Variants in TRPV3 observed in about 807,000 individuals in gnomAD.
TRPV3 encodes the protein VRL-3.
Under a neutral mutation model 87.1 loss-of-function variants are expected in TRPV3, and 88 were observed. The observed-to-expected ratio is 1.01, with a 90% CI of 0.85 to 1.21. The LOEUF (loss-of-function observed/expected upper bound fraction) is 1.21, where lower values mean the gene tolerates loss of function less well. Ranked by LOEUF, TRPV3 falls within the 50% of genes most tolerant of loss-of-function variation. The pLI is 0.00. For missense variants in TRPV3, 1,054 were observed against 1,030.1 expected (o/e 1.02, Z -0.32); for synonymous variants, 438 against 423.3 (o/e 1.03, Z -0.43).
chr17:3,544,695 G>A (rs758733010), intron 3 of TRPV3, 30 bp from the exon 4 acceptor site: 1 of 1,558,518 alleles, frequency 6.4e-7, no homozygotes, highest in East Asian at 2.3e-5. Context: ...GAACAGAGAG[G>A]GTTTTAAAGT....
Position 3,532,796 on chromosome 17 carries a change from T to C in TRPV3, c.926A>G (p.Asp309Gly). The change falls in exon 8 of 18, where the codon GAC (aspartate) becomes GGC (glycine). Residue 309 changes from aspartate to glycine, a missense_variant. Coordinates refer to ENST00000576742, the MANE Select transcript of TRPV3 (RefSeq NM_145068.4). Reference protein sequence around the residue: ...ILHALVTVAEDFKTQNDFVKR... With the variant: ...ILHALVTVAEGFKTQNDFVKR... Reference sequence around the variant, plus strand: ...CACAAAGTCATTCTGCGTCTTGAAGTCCTCGGCCACGGTCACCAGGGCGTG... The same window carrying C: ...CACAAAGTCATTCTGCGTCTTGAAGCCCTCGGCCACGGTCACCAGGGCGTG... The C allele has an allele frequency of 6.2e-7, 1 of 1,614,246 alleles. No homozygotes were observed. The highest frequency in any genetic ancestry group is 8.5e-7 in the Non-Finnish European group (1 of 1,180,034).
Position 3,517,483 on chromosome 17 carries a change from G to T in TRPV3, c.2086-914C>A, listed in dbSNP as rs559982165. 2.0e-5 allele frequency among the ~76,000 whole-genome samples: 3 copies of T among 151,734 alleles called. 1 individual carries two copies. In the South Asian group the frequency reaches 6.3e-4, roughly 32 times the overall value. ...AAAATACAAAAATGACCCAGGTGTGGTGGCGCGTGCCTGTAATCCCAGCTA... is the reference window on the plus strand; with the variant it reads ...AAAATACAAAAATGACCCAGGTGTGTTGGCGCGTGCCTGTAATCCCAGCTA... On this transcript the variant is annotated intron_variant, in intron 15 of 17. Coordinates refer to ENST00000576742, the MANE Select transcript of TRPV3 (RefSeq NM_145068.4).
At chr17:3,527,171 G>A (rs998783860) in intron 11 of TRPV3, among the ~76,000 whole-genome samples, 4 of 152,036 alleles carry the variant, frequency 2.6e-5, no homozygotes, top group Non-Finnish European at 4.4e-5. Flanking sequence ...CCTCACCCCA[G>A]AACCTGCAAA....
intron 11 of TRPV3, 105 bp from the exon 12 acceptor site, chr17:3,527,032 G>T: frequency 1.1e-6 from 1 of 877,534 alleles, no homozygotes; most frequent in Non-Finnish European, 1.8e-6. Context: ...AGGGTTGAAT[G>T]CACAAAGGCC....
chr17:3,548,625 T>C (rs1421498765), intron 2 of TRPV3, among the ~76,000 whole-genome samples: 4 of 152,152 alleles, frequency 2.6e-5, no homozygotes, highest in African/African-American at 9.7e-5. Context: ...TGGGGATACA[T>C]GGGGTGGAGG....
chr17:3,526,338 T>C (rs923955717), intron 12 of TRPV3, among the ~76,000 whole-genome samples: 2 of 151,836 alleles, frequency 1.3e-5, no homozygotes, highest in African/African-American at 4.8e-5. Context: ...AGGAGCCAGG[T>C]GTGATGGTGC....
chr17:3,530,103 AG>A lies in TRPV3; in HGVS notation c.1165del (p.Leu389SerfsTer32). On this transcript the variant is annotated frameshift_variant, in exon 9 of 18. Coordinates refer to ENST00000576742, the MANE Select transcript of TRPV3 (RefSeq NM_145068.4). LOFTEE classifies it high-confidence loss of function. This position sits in a 1 kb window ranked among gnomAD's most constrained non-coding sequence, Gnocchi z 4.0. The stretch of plus-strand genomic sequence containing the variant: ...GGTGTCCACGTTGGTGAGGTCGTAG[AG>A]GGAGGATGACACGGGTCCGTACGCC... The part of the protein sequence containing the change: ...DWAYGPVSSS[L>X]YDLTNVDTTT... The A allele has an allele frequency of 1.9e-6, 3 of 1,614,094 alleles. No individual in the cohort carries two copies. The highest frequency in any genetic ancestry group is 2.5e-6 in the Non-Finnish European group (3 of 1,179,974).
At chr17:3,525,073 A>G (rs141160332) in intron 12 of TRPV3, among the ~76,000 whole-genome samples, 5,418 of 152,252 alleles carry the variant, frequency 0.036, 183 homozygotes, top group African/African-American at 0.083. Flanking sequence ...AGGCTGGAGT[A>G]CAGTGGCATG....
intron 2 of TRPV3, among the ~76,000 whole-genome samples, chr17:3,551,870 CTTTTTTT>C (rs747932928): frequency 5.1e-4 from 22 of 43,348 alleles, no homozygotes; most frequent in Admixed American, 7.6e-4. Context: ...GTAATTTATT[CTTTTTTT>C]TTTTTTTTTT....
intron 8 of TRPV3, among the ~76,000 whole-genome samples, chr17:3,532,193 T>G (rs437863): frequency 0.35 from 53,799 of 152,124 alleles, 11,593 homozygotes; most frequent in Non-Finnish European, 0.48. Context: ...GCGGCCACAC[T>G]CTTGGCTGGG....
intron 17 of TRPV3, 42 bp downstream of exon 17, chr17:3,514,551 T>G: frequency 2.1e-6 from 3 of 1,452,272 alleles, no homozygotes; most frequent in Non-Finnish European, 2.9e-6. Context: ...TTACATGGTC[T>G]GAGACAGGAG....
intron 17 of TRPV3, 69 bp from the exon 18 acceptor site, chr17:3,514,080 CT>C: frequency 3.0e-6 from 4 of 1,344,274 alleles, no homozygotes; most frequent in Non-Finnish European, 4.0e-6. Flanking sequence ...TTTTCTTTTT[CT>C]TTTTTTTCTT....
At chr17:3,540,363 A>C (rs894563130) in intron 6 of TRPV3, among the ~76,000 whole-genome samples, 1 of 152,152 alleles carries the variant, frequency 6.6e-6, no homozygotes, top group Non-Finnish European at 1.5e-5. Flanking sequence ...GGAAGACAAG[A>C]ATAAATAGCT....
chr17:3,547,205 C>T (rs976827191), intron 2 of TRPV3, among the ~76,000 whole-genome samples: 3 of 152,190 alleles, frequency 2.0e-5, no homozygotes, highest in Non-Finnish European at 2.9e-5. Context: ...AGGGGCCGTC[C>T]CTAGACTCTG....
At position 3,524,292 on chromosome 17, in the gene TRPV3, C is replaced by T; in HGVS notation, c.1649G>A (p.Cys550Tyr). 6.2e-7 allele frequency: 1 copy of T among 1,614,266 alleles called. No individual in the cohort carries two copies. The highest frequency in any genetic ancestry group is 8.5e-7 in the Non-Finnish European group (1 of 1,180,046). The change falls in exon 13 of 18, where the codon TGC becomes TAC. Residue 550 changes from cysteine to tyrosine, a missense_variant. By Grantham distance (194) the Cys-to-Tyr change is radical (BLOSUM62 -2). Coordinates refer to ENST00000576742, the MANE Select transcript of TRPV3 (RefSeq NM_145068.4). Reference sequence around the variant, plus strand: ...GCCCAGGGCCATGGCCAGCACGAGGCAGGCGAGGTACTCTTTGTAGGCAAA... The same window carrying T: ...GCCCAGGGCCATGGCCAGCACGAGGTAGGCGAGGTACTCTTTGTAGGCAAA... ...YLFAYKEYLA[C>Y]LVLAMALGWA...
chr17:3,546,067 C>T (rs1196920330), intron 2 of TRPV3, among the ~76,000 whole-genome samples: 1 of 151,594 alleles, frequency 6.6e-6, no homozygotes, highest in Non-Finnish European at 1.5e-5. Flanking sequence ...GCTTACTGAG[C>T]ACGTGTTGCA....
In TRPV3 at chr17:3,512,406, G is replaced by C. The variant is rs754430339; in HGVS notation, c.*1511C>G. The stretch of plus-strand genomic sequence containing the variant: ...ATCTGTCCAGCTAGTCTGGCACACA[G>C]AGTGGCCCAGGGCAGAGAAACTGGC... On this transcript the variant is annotated 3_prime_UTR_variant, in exon 18 of 18. Coordinates refer to ENST00000576742, the MANE Select transcript of TRPV3 (RefSeq NM_145068.4). The C allele has an allele frequency of 6.6e-6, 1 of 152,234 alleles. No homozygotes were observed. Among genetic ancestry groups the C allele is most frequent in the Non-Finnish European group, 1.5e-5 (1 of 68,072 alleles). The allele number at this position is 152,234 out of a possible 1,614,324, so 9.4% of individuals were successfully genotyped here. A position where few individuals can be genotyped will look rare whatever the true frequency, so the allele number is the denominator to read the frequency against.
chr17:3,551,588 T>A (rs531287894), intron 2 of TRPV3, among the ~76,000 whole-genome samples: 51 of 152,340 alleles, frequency 3.3e-4, no homozygotes, highest in Admixed American at 7.8e-4. Flanking sequence ...TGTCCATCCA[T>A]TTGCTTTGTG....
intron 11 of TRPV3, among the ~76,000 whole-genome samples, chr17:3,527,267 T>C (rs2074308301): frequency 6.6e-6 from 1 of 152,134 alleles, no homozygotes; most frequent in South Asian, 2.1e-4. Context: ...CTGTTCCCCA[T>C]ATCCACCCTG....
Sources: allele counts gnomAD v4.1 joint callset (sites outside exome capture counted in the v4.1 genomes callset), GRCh38; gene constraint gnomAD v4.1.1; non-coding constraint Gnocchi (gnomAD v3.1); transcripts MANE v1.5; gene names NCBI Gene and HGNC (gene_info 2026-07-23, HGNC 2026-07-21).